NPEPPS: variants seen among roughly 807,000 people sequenced by gnomAD.
NPEPPS encodes puromycin-sensitive aminopeptidase.
In NPEPPS, 14 loss-of-function variants were observed where a neutral mutation model predicts 115.5. The observed-to-expected ratio is 0.12, with a 90% CI of 0.08 to 0.19. NPEPPS has a LOEUF of 0.19. Ranked by LOEUF, NPEPPS falls within the 10% of genes least tolerant of loss-of-function variation. The pLI is 1.00. For missense variants in NPEPPS, 523 were observed against 1,110.8 expected (o/e 0.47, Z 7.52); for synonymous variants, 285 against 390.6 (o/e 0.73, Z 3.19).
At chr17:47,601,013 A>G (rs1913162199) in intron 14 of NPEPPS, among the ~76,000 whole-genome samples, 1 of 152,100 alleles carries the variant, frequency 6.6e-6, no homozygotes, top group Non-Finnish European at 1.5e-5. Context: ...CCTTGAGGCC[A>G]GGAGTTTGAG....
chr17:47,571,951 A>G (rs1280583568), intron 3 of NPEPPS, among the ~76,000 whole-genome samples: 1 of 152,094 alleles, frequency 6.6e-6, no homozygotes, highest in Non-Finnish European at 1.5e-5. Context: ...CACATGGGCC[A>G]TGAGGAGTGC....
chr17:47,577,840 A>G (rs1347748785), intron 3 of NPEPPS, among the ~76,000 whole-genome samples: 3 of 152,180 alleles, frequency 2.0e-5, no homozygotes, highest in Admixed American at 2.0e-4. Flanking sequence ...CGCACTCCCC[A>G]TAACTTTTGG....
chr17:47,533,303 C>T (rs1170277861), intron 1 of NPEPPS, among the ~76,000 whole-genome samples: 1 of 151,684 alleles, frequency 6.6e-6, no homozygotes, highest in Non-Finnish European at 1.5e-5. Flanking sequence ...TGAATCAGAA[C>T]GAATGCATCT....
At chr17:47,608,584 G>A (rs1255842591) in intron 17 of NPEPPS, among the ~76,000 whole-genome samples, 2 of 152,066 alleles carry the variant, frequency 1.3e-5, no homozygotes, top group African/African-American at 4.8e-5. Flanking sequence ...CCCAGCATGG[G>A]CAACATAGTG....
intron 2 of NPEPPS, among the ~76,000 whole-genome samples, chr17:47,567,968 A>G (rs1273197266): frequency 6.6e-6 from 1 of 152,092 alleles, no homozygotes; most frequent in Non-Finnish European, 1.5e-5. Flanking sequence ...GAACATTTGT[A>G]TACAAACATT....
chr17:47,622,548 C>CAAA lies in NPEPPS; in HGVS notation c.*635_*637dup. ...CCTTCTGTGTGACCGACCCCTTGGC[C>CAAA]AAAAAAAAACAAAAAGCAAAAAACA... On this transcript the variant is annotated 3_prime_UTR_variant, in exon 23 of 23. Transcript: ENST00000322157. The CAAA allele has an allele frequency of 4.2e-6, 1 of 238,168 alleles. No individual in the cohort carries two copies. Among genetic ancestry groups the CAAA allele is most frequent in the South Asian group, 4.5e-5 (1 of 22,292 alleles). 14.8% of individuals were successfully genotyped at this position (238,168 alleles called of 1,614,324 possible). A position where few individuals can be genotyped will look rare whatever the true frequency, so the allele number is the denominator to read the frequency against.
At chr17:47,573,219 G>A (rs556346608) in intron 3 of NPEPPS, among the ~76,000 whole-genome samples, 6 of 152,256 alleles carry the variant, frequency 3.9e-5, no homozygotes, top group South Asian at 2.1e-4. Flanking sequence ...GAACTTTTGC[G>A]ATAAAGTAAA....
intron 12 of NPEPPS, among the ~76,000 whole-genome samples, chr17:47,594,875 G>T (rs1204848432): frequency 2.0e-5 from 3 of 151,034 alleles, no homozygotes; most frequent in Non-Finnish European, 3.0e-5. Flanking sequence ...CTCATGATCC[G>T]CCCGCCTCTG....
intron 21 of NPEPPS, 132 bp from the exon 22 acceptor site, chr17:47,619,605 T>C (rs1597900990): frequency 1.3e-6 from 1 of 748,184 alleles, no homozygotes; most frequent in Non-Finnish European, 2.3e-6. Flanking sequence ...TAAGGACTTC[T>C]CCATCTCCCA....
chr17:47,604,951 T>G (rs1387613863), intron 16 of NPEPPS, among the ~76,000 whole-genome samples: 1 of 152,208 alleles, frequency 6.6e-6, no homozygotes, highest in Non-Finnish European at 1.5e-5. Context: ...AAACTATTTT[T>G]GCAGTTTTTC....
At chr17:47,564,911 A>T (rs1209816014) in intron 2 of NPEPPS, among the ~76,000 whole-genome samples, 1 of 152,020 alleles carries the variant, frequency 6.6e-6, no homozygotes, top group Non-Finnish European at 1.5e-5. Context: ...TAACATTAGT[A>T]AATGTGATTT....
chr17:47,569,433 A>T lies in NPEPPS; in HGVS notation c.357A>T (p.Gly119=), dbSNP rs779646720. 3 of 1,546,574 alleles carry T rather than the reference A, an allele frequency of 1.9e-6. No homozygotes were observed. Among genetic ancestry groups the T allele is most frequent in the South Asian group, 1.1e-5 (1 of 88,778 alleles). Residue 119 remains glycine, a synonymous_variant, in exon 3 of 23, where the codon GGA becomes GGT. Transcript: ENST00000322157. ...TCATTCCAGAAATACATGCTACAGG[A>T]TTTAACTATCAGAATGAAGATGAAA... The part of the protein sequence containing the change: ...PEGDEEIHAT[G]FNYQNEDEKV...
intron 19 of NPEPPS, among the ~76,000 whole-genome samples, chr17:47,616,839 C>T (rs565461433): frequency 1.4e-5 from 2 of 146,526 alleles, no homozygotes; most frequent in East Asian, 4.0e-4. Context: ...CCCATCTCTA[C>T]TTCTTATAAA....
At chr17:47,580,355 C>G (rs1208330388) in intron 4 of NPEPPS, 1 of 152,128 alleles carries the variant, frequency 6.6e-6, no homozygotes, top group African/African-American at 2.4e-5. Flanking sequence ...TCTCTACCCA[C>G]TTTGAACACT....
intron 17 of NPEPPS, 85 bp from the exon 18 acceptor site, chr17:47,612,375 A>G: frequency 7.2e-7 from 1 of 1,388,642 alleles, no homozygotes; most frequent in South Asian, 1.3e-5. Flanking sequence ...GAATTGGTAT[A>G]GCACAATTAT....
At position 47,613,650 on chromosome 17, in the gene NPEPPS, T is replaced by A. The variant is rs1914013597; in HGVS notation, c.2239-19T>A. On this transcript the variant is annotated intron_variant, in intron 18 of 22. Transcript: ENST00000322157. The stretch of plus-strand genomic sequence containing the variant: ...ACAAGGTACATTTAATCAAATGACT[T>A]ATTTTTTGTCCCTTGTAGGTCTATC... 3 of 1,587,616 alleles carry A rather than the reference T, an allele frequency of 1.9e-6. No homozygotes were observed. The highest frequency in any genetic ancestry group is 2.2e-5 in the South Asian group (2 of 90,164).
chr17:47,571,897 C>T (rs1014314152), intron 3 of NPEPPS, among the ~76,000 whole-genome samples: 21 of 152,090 alleles, frequency 1.4e-4, no homozygotes, highest in African/African-American at 5.1e-4. Context: ...AATAGGATCA[C>T]AAATCTCAGT....
At chr17:47,617,945 T>C (rs1017506818) in intron 19 of NPEPPS, among the ~76,000 whole-genome samples, 1 of 152,098 alleles carries the variant, frequency 6.6e-6, no homozygotes, top group African/African-American at 2.4e-5. Flanking sequence ...AGTGGCACGA[T>C]CTCAGCTCAC....
At chr17:47,612,234 A>G (rs1186836554) in intron 17 of NPEPPS, among the ~76,000 whole-genome samples, 1 of 152,182 alleles carries the variant, frequency 6.6e-6, no homozygotes, top group Non-Finnish European at 1.5e-5. Context: ...TGCATTCGTG[A>G]CTGTAGATAA....
Sources: allele counts gnomAD v4.1 joint callset (sites outside exome capture counted in the v4.1 genomes callset), GRCh38; gene constraint gnomAD v4.1.1; transcripts MANE v1.5; gene names NCBI Gene and HGNC (gene_info 2026-07-23, HGNC 2026-07-21).